Variants in COL4A4 observed in about 807,000 individuals in gnomAD.
COL4A4 encodes collagen type IV alpha 4 chain.
A neutral mutation model predicts 192.9 loss-of-function variants in COL4A4; 105 were observed. The observed-to-expected ratio is 0.54, with a 90% CI of 0.46 to 0.64. The LOEUF (loss-of-function observed/expected upper bound fraction) is 0.64. COL4A4 is among the 30% of genes least tolerant of loss of function. The pLI is 0.00. For synonymous variants in COL4A4, 762 were observed against 769.9 expected (o/e 0.99, Z 0.17); for missense variants, 1,967 against 2,169.3 (o/e 0.91, Z 1.85).
chr2:227,120,950 C>CAA, intron 5 of COL4A4, 64 bp downstream of exon 5: 1 of 1,608,336 alleles, frequency 6.2e-7, no homozygotes, highest in South Asian at 1.1e-5. Flanking sequence ...AAAACAAAAA[C>CAA]AAAAAATGGT....
At chr2:227,092,614 A>G (rs920539623) in intron 20 of COL4A4, among the ~76,000 whole-genome samples, 1 of 152,242 alleles carries the variant, frequency 6.6e-6, no homozygotes, top group Non-Finnish European at 1.5e-5. Context: ...AGGTTAAATT[A>G]TAAGTATATT....
chr2:227,035,555 AT>A (rs1339083383), intron 37 of COL4A4, among the ~76,000 whole-genome samples: 1 of 151,050 alleles, frequency 6.6e-6, no homozygotes, highest in Non-Finnish European at 1.5e-5. Context: ...ATGGGAATGC[AT>A]CTTTATTTTC....
chr2:227,048,464 T>C (rs1478429635), intron 34 of COL4A4, among the ~76,000 whole-genome samples: 1 of 152,180 alleles, frequency 6.6e-6, no homozygotes, highest in East Asian at 1.9e-4. Flanking sequence ...TGTCCTGATG[T>C]AGAACATATT....
chr2:227,050,082 G>A lies in COL4A4; in HGVS notation c.3200C>T (p.Ala1067Val), dbSNP rs1392922149. 1.2e-6 allele frequency: 2 copies of A among 1,614,114 alleles called. No individual in the cohort carries two copies. Among genetic ancestry groups the A allele is most frequent in the Non-Finnish European group, 1.7e-6 (2 of 1,179,992 alleles). The change falls in exon 34 of 48, where the codon GCA becomes GTA. Residue 1067 changes from alanine (A) to valine (V), a missense_variant. Transcript: ENST00000396625. ...GPPGFSGIDG[A>V]RGPKGNKGDP... Reference sequence around the variant, plus strand: ...CCAAACCATACCTTTAGGTCCTCTTGCTCCATCAATTCCTGAAAATCCAGG... The same window carrying A: ...CCAAACCATACCTTTAGGTCCTCTTACTCCATCAATTCCTGAAAATCCAGG...
chr2:227,012,238 G>A lies in COL4A4; in HGVS notation c.4276C>T (p.Pro1426Ser). The A allele has an allele frequency of 6.2e-7, 1 of 1,614,078 alleles. No homozygotes were observed. Residue 1426 changes from proline to serine, a missense_variant, in exon 45 of 48, where the codon CCT becomes TCT. By Grantham distance (74) the Pro-to-Ser change is moderately conservative. Coordinates refer to ENST00000396625, the MANE Select transcript of COL4A4 (RefSeq NM_000092.5). ...TCACCTTTACGTCCGGGAGGCCCAG[G>A]AGACCCAGGGACGCCATCCACACCC... ...RRGVDGVPGS[P>S]GPPGRKGDTG... is the part of the protein sequence containing the mutation.
chr2:227,065,912 C>A (rs1050192787), intron 25 of COL4A4, among the ~76,000 whole-genome samples: 2 of 152,156 alleles, frequency 1.3e-5, no homozygotes, highest in Non-Finnish European at 2.9e-5. Context: ...AGGCTTCAGA[C>A]GATCAAATTA....
At chr2:227,114,551 C>T (rs777337773) in intron 8 of COL4A4, 77 bp downstream of exon 8, 15 of 1,137,790 alleles carry the variant, frequency 1.3e-5, no homozygotes, top group South Asian at 1.2e-4. Flanking sequence ...AAGAAAAATC[C>T]TGTCTGAGTA....
At position 227,140,325 on chromosome 2, in the gene COL4A4, T is replaced by G. The variant is rs1224551283; in HGVS notation, c.115-87A>C. The G allele has an allele frequency of 5.4e-6, 6 of 1,105,156 alleles. No homozygotes were observed. In the African/African-American group the frequency reaches 7.7e-5, roughly 14 times the overall value. The allele number at this position is 1,105,156 out of a possible 1,614,324, so 68.5% of individuals were successfully genotyped here. A position where few individuals can be genotyped will look rare whatever the true frequency, so the allele number is the denominator to read the frequency against. On this transcript the variant is annotated intron_variant, in intron 3 of 47. Transcript: ENST00000396625. ...CATACATTATAACAAGCACTCTTGG[T>G]TTACCTTTGACTCCATGAGAAGAAA...
chr2:226,974,727 C>T, the COL4A4 span, among the ~76,000 whole-genome samples: 1 of 152,110 alleles, frequency 6.6e-6, no homozygotes. Context: ...CTTTAGTGTC[C>T]CGCACCCAAG....
At chr2:226,974,459 G>C in the COL4A4 span, among the ~76,000 whole-genome samples, 2 of 152,154 alleles carry the variant, frequency 1.3e-5, no homozygotes, top group East Asian at 3.9e-4. Flanking sequence ...GGATGGTTTC[G>C]ATCTCCTGAC....
chr2:227,080,292 T>C (rs944138140), intron 24 of COL4A4, 151 bp downstream of exon 24: 4 of 746,382 alleles, frequency 5.4e-6, no homozygotes, highest in Non-Finnish European at 9.4e-6. Flanking sequence ...AACAATCATC[T>C]TTCCATGTCA....
the COL4A4 span, among the ~76,000 whole-genome samples, chr2:226,977,910 A>G: frequency 6.6e-6 from 1 of 152,244 alleles, no homozygotes; most frequent in African/African-American, 2.4e-5. Flanking sequence ...AATTTGAACA[A>G]TGTGGTTTTA....
rs1559476781 is a variant in COL4A4 at position 227,041,804 on chromosome 2, G to GAAA, written c.3505+343_3505+344insTTT. ...GAAGGAAGGGAAAGAAAGAAAGAAA[G>GAAA]GAAGAAAGAAAGAAAGAAAGAAAGA... On this transcript the variant is annotated intron_variant, in intron 37 of 47. Coordinates refer to ENST00000396625, the MANE Select transcript of COL4A4 (RefSeq NM_000092.5). Among the ~76,000 whole-genome samples, 20 of 50,382 alleles carry GAAA rather than the reference G, an allele frequency of 4.0e-4. 1 individual carries two copies. The highest frequency in any genetic ancestry group is 2.0e-3 in the African/African-American group (20 of 10,190). The allele number at this position is 50,382 out of a possible 152,430, so 33.1% of individuals were successfully genotyped here.
chr2:226,986,138 C>G, the COL4A4 span, among the ~76,000 whole-genome samples: 1 of 152,338 alleles, frequency 6.6e-6, no homozygotes, highest in East Asian at 1.9e-4. Context: ...GAATGAAATT[C>G]TTCACGATAT....
chr2:227,103,343 G>A, intron 13 of COL4A4, 146 bp from the exon 14 acceptor site: 1 of 684,728 alleles, frequency 1.5e-6, no homozygotes, highest in Non-Finnish European at 2.5e-6. Context: ...GTTCTAATTA[G>A]CACACTTATA....
intron 22 of COL4A4, among the ~76,000 whole-genome samples, chr2:227,083,608 G>A (rs925289669): frequency 1.1e-4 from 16 of 151,998 alleles, no homozygotes; most frequent in African/African-American, 3.6e-4. Context: ...CACCATGCCT[G>A]GCTAATTGGA....
chr2:227,085,483 G>A (rs2059552747), intron 22 of COL4A4, among the ~76,000 whole-genome samples: 1 of 152,110 alleles, frequency 6.6e-6, no homozygotes, highest in Non-Finnish European at 1.5e-5. Flanking sequence ...AATACCTGAG[G>A]CCGGGTAATT....
downstream of COL4A4, among the ~76,000 whole-genome samples, chr2:227,001,096 TTTTC>T (rs1324539513): frequency 4.7e-5 from 7 of 150,338 alleles, no homozygotes; most frequent in African/African-American, 1.5e-4. Flanking sequence ...TTCTTTTCTT[TTTTC>T]TTTTTTTTTT....
the COL4A4 span, among the ~76,000 whole-genome samples, chr2:226,971,209 G>A: frequency 6.6e-6 from 1 of 152,142 alleles, no homozygotes; most frequent in Non-Finnish European, 1.5e-5. Context: ...ATTCACTCCT[G>A]TTTCCCTCCT....
Sources: allele counts gnomAD v4.1 joint callset (sites outside exome capture counted in the v4.1 genomes callset), GRCh38; gene constraint gnomAD v4.1.1; transcripts MANE v1.5; gene names NCBI Gene and HGNC (gene_info 2026-07-23, HGNC 2026-07-21).